TMEM232: variants seen among roughly 807,000 people sequenced by gnomAD.
The protein encoded by TMEM232 is transmembrane protein 232.
A neutral mutation model predicts 78.8 loss-of-function variants in TMEM232; 80 were observed. The ratio of observed to expected loss-of-function variants is 1.01; its 90% CI spans 0.85 to 1.22. The LOEUF (loss-of-function observed/expected upper bound fraction) is 1.22. TMEM232 is among the 50% of genes most tolerant of loss of function. The pLI is 0.00. For missense variants in TMEM232, 881 were observed against 742.2 expected (o/e 1.19, Z -2.17); for synonymous variants, 297 against 254.3 (o/e 1.17, Z -1.60).
chr5:110,730,587 C>T (rs190176343), upstream of TMEM232, among the ~76,000 whole-genome samples: 250 of 152,134 alleles, frequency 1.6e-3, no homozygotes, highest in African/African-American at 5.8e-3. Context: ...AGAATCATGG[C>T]GGGAGGTGAA....
chr5:110,525,494 T>C (rs556573799), intron 12 of TMEM232, among the ~76,000 whole-genome samples: 5 of 151,814 alleles, frequency 3.3e-5, no homozygotes, highest in African/African-American at 1.2e-4. Flanking sequence ...ATAAGAAAAA[T>C]GCAAGGCATA....
intron 12 of TMEM232, among the ~76,000 whole-genome samples, chr5:110,513,517 G>C (rs1446016138): frequency 6.6e-6 from 1 of 151,904 alleles, no homozygotes; most frequent in Non-Finnish European, 1.5e-5. Flanking sequence ...CAAGTAAAAA[G>C]TCAACAAAGG....
At chr5:110,480,594 G>A (rs1473222447) in intron 12 of TMEM232, among the ~76,000 whole-genome samples, 1 of 151,950 alleles carries the variant, frequency 6.6e-6, no homozygotes, top group African/African-American at 2.4e-5. Context: ...CAATGGAAAT[G>A]GTTTCCCACC....
chr5:110,645,879 G>A (rs1327133077), intron 2 of TMEM232, among the ~76,000 whole-genome samples: 1 of 151,082 alleles, frequency 6.6e-6, no homozygotes, highest in African/African-American at 2.4e-5. Context: ...GGATAAAAAG[G>A]GAACATACAA....
chr5:110,702,526 T>C (rs145604397), intron 1 of TMEM232, among the ~76,000 whole-genome samples: 1 of 152,144 alleles, frequency 6.6e-6, no homozygotes, highest in East Asian at 1.9e-4. Context: ...TAAGTACTCT[T>C]ACTCTCTCAT....
At chr5:110,408,177 G>A (rs13362135) in intron 2 of TMEM232, among the ~76,000 whole-genome samples, 2,827 of 152,104 alleles carry the variant, frequency 0.019, 102 homozygotes, top group African/African-American at 0.066. Context: ...AAAGTAGAAA[G>A]ATTTCAAAAT....
intron 12 of TMEM232, among the ~76,000 whole-genome samples, chr5:110,426,863 T>G (rs533969213): frequency 2.6e-5 from 4 of 151,956 alleles, no homozygotes; most frequent in Non-Finnish European, 5.9e-5. Flanking sequence ...TATAAAAAGA[T>G]AAATAAAACA....
chr5:110,580,003 A>G (rs1459399709), intron 10 of TMEM232, among the ~76,000 whole-genome samples: 2 of 151,740 alleles, frequency 1.3e-5, no homozygotes, highest in East Asian at 3.9e-4. Flanking sequence ...AAAAGAAGCC[A>G]GAGTGGCTAT....
intron 12 of TMEM232, among the ~76,000 whole-genome samples, chr5:110,451,754 T>G (rs1760308716): frequency 6.6e-6 from 1 of 152,130 alleles, no homozygotes; most frequent in Non-Finnish European, 1.5e-5. Context: ...GCCCTTTACT[T>G]TTCTTGTAGC....
chr5:110,605,668 T>A (rs1580337700), intron 9 of TMEM232, among the ~76,000 whole-genome samples: 1 of 152,142 alleles, frequency 6.6e-6, no homozygotes, highest in Non-Finnish European at 1.5e-5. Context: ...ACAACTCCAT[T>A]CTAGTGTGTG....
chr5:110,628,980 T>C (rs1175063911), intron 5 of TMEM232: 1 of 152,032 alleles, frequency 6.6e-6, no homozygotes, highest in African/African-American at 2.4e-5. Flanking sequence ...TATAAATGTA[T>C]TCATAAAGTA....
chr5:110,731,176 C>T (rs1157895855), upstream of TMEM232, among the ~76,000 whole-genome samples: 3 of 152,196 alleles, frequency 2.0e-5, no homozygotes, highest in Non-Finnish European at 4.4e-5. Flanking sequence ...TGCCAGGTCT[C>T]ACCTCCAGGT....
intron 10 of TMEM232, among the ~76,000 whole-genome samples, chr5:110,596,663 A>C (rs1409281168): frequency 6.6e-6 from 1 of 152,146 alleles, no homozygotes; most frequent in African/African-American, 2.4e-5. Flanking sequence ...AAGCTTATCC[A>C]CCATGATCAA....
intron 1 of TMEM232, among the ~76,000 whole-genome samples, chr5:110,671,444 C>T (rs182303682): frequency 2.6e-5 from 4 of 152,128 alleles, no homozygotes; most frequent in African/African-American, 9.7e-5. Context: ...AAGACACATG[C>T]ACACGTATGT....
intron 12 of TMEM232, among the ~76,000 whole-genome samples, chr5:110,452,169 T>G (rs1048549743): frequency 6.6e-6 from 1 of 152,148 alleles, no homozygotes; most frequent in South Asian, 2.1e-4. Context: ...AAATATTCCA[T>G]GTCCATAAAA....
At chr5:110,626,181 G>T (rs1033956265) in intron 6 of TMEM232, among the ~76,000 whole-genome samples, 3 of 151,566 alleles carry the variant, frequency 2.0e-5, no homozygotes, top group Non-Finnish European at 4.4e-5. Context: ...GTATGTGAAA[G>T]AAAGATTTTT....
chr5:110,617,273 A>G (rs1783043478), intron 8 of TMEM232, among the ~76,000 whole-genome samples: 1 of 152,206 alleles, frequency 6.6e-6, no homozygotes, highest in African/African-American at 2.4e-5. Context: ...GATGGGGAGT[A>G]AGGAAGATGG....
intron 1 of TMEM232, among the ~76,000 whole-genome samples, chr5:110,681,546 T>C (rs751467344): frequency 1.6e-4 from 25 of 152,200 alleles, no homozygotes; most frequent in Non-Finnish European, 2.8e-4. Flanking sequence ...CATTTAATAG[T>C]TGAATGCGTG....
chr5:110,549,605 C>CAAAAAAAAAAAAA (rs1209595068), intron 11 of TMEM232, among the ~76,000 whole-genome samples: 1 of 45,436 alleles, frequency 2.2e-5, no homozygotes. Context: ...GTCCCTGTCT[C>CAAAAAAAAAAAAA]AAAAAAAAAA....
Sources: gnomAD v4.1 joint callset for allele counts (sites outside exome capture counted in the v4.1 genomes callset) on GRCh38, gnomAD v4.1.1 for gene constraint, MANE v1.5 for transcripts, NCBI Gene and HGNC (gene_info 2026-07-23, HGNC 2026-07-21) for gene names.